LONRF2: variants seen among roughly 807,000 people sequenced by gnomAD.
LONRF2 encodes the protein LON peptidase N-terminal domain and ring finger 2.
A neutral mutation model predicts 66.6 loss-of-function variants in LONRF2; 35 were observed. The observed-to-expected ratio is 0.53, with a 90% CI of 0.40 to 0.70. The LOEUF is 0.70. LONRF2 is among the 30% of genes least tolerant of loss of function. The pLI is 0.00. For missense variants in LONRF2, 902 were observed against 1,002.1 expected, an observed-to-expected ratio of 0.90 and a Z score of 1.35; for synonymous variants, 417 against 418.1, an observed-to-expected ratio of 1.00 and a Z score of 0.03.
In LONRF2 at chr2:100,309,175, T is replaced by C. The variant is rs114378605; in HGVS notation, c.730A>G (p.Met244Val). Residue 244 changes from methionine to valine, a missense_variant, in exon 2 of 12, where the codon ATG (methionine) becomes GTG (valine). Met to Val is a conservative substitution (Grantham distance 21). This residue lies in a region of LONRF2 where 585 missense variants were observed against 569.9 expected (regional missense o/e 1.03). Coordinates refer to ENST00000393437, the MANE Select transcript of LONRF2 (RefSeq NM_198461.4). ...TGGAGAGCTTGCTCATAGTTCTTCA[T>C]GGTCAAATATAACTCCGCCCGCAGC... ...LLLRAELYLT[M>V]KNYEQALQDA... is the part of the protein sequence containing the mutation. The C allele has an allele frequency of 3.7e-6, 6 of 1,609,668 alleles. No homozygotes were observed. Among genetic ancestry groups the C allele is most frequent in the Admixed American group, 1.7e-5 (1 of 58,586 alleles).
At chr2:100,296,171 G>C (rs1190029502) in intron 7 of LONRF2, among the ~76,000 whole-genome samples, 1 of 152,128 alleles carries the variant, frequency 6.6e-6, no homozygotes, top group Non-Finnish European at 1.5e-5. Context: ...GGGCCACAAT[G>C]TGGCTGAACT....
At chr2:100,313,351 C>G (rs1675445335) in intron 1 of LONRF2, among the ~76,000 whole-genome samples, 1 of 152,034 alleles carries the variant, frequency 6.6e-6, no homozygotes, top group Non-Finnish European at 1.5e-5. Context: ...AAAAATTAGT[C>G]AGGTGTGGTG....
chr2:100,314,640 C>T (rs369196796), intron 1 of LONRF2, among the ~76,000 whole-genome samples: 34 of 152,066 alleles, frequency 2.2e-4, no homozygotes, highest in African/African-American at 8.0e-4. Flanking sequence ...CTGCCTACCC[C>T]AAGTCCTTGA....
At chr2:100,315,258 T>C (rs575764849) in intron 1 of LONRF2, among the ~76,000 whole-genome samples, 1 of 152,244 alleles carries the variant, frequency 6.6e-6, no homozygotes, top group East Asian at 1.9e-4. Context: ...TATTTGTTTT[T>C]TCTAAGTATA....
chr2:100,311,228 C>T (rs759397213), intron 1 of LONRF2, among the ~76,000 whole-genome samples: 4 of 152,056 alleles, frequency 2.6e-5, no homozygotes, highest in Non-Finnish European at 5.9e-5. Context: ...CTCAATCACA[C>T]AGTTAAATGC....
At chr2:100,294,112 G>C (rs1460655799) in intron 9 of LONRF2, 117 bp downstream of exon 9, 1 of 1,202,840 alleles carries the variant, frequency 8.3e-7, no homozygotes, top group Non-Finnish European at 1.2e-6. Flanking sequence ...CTTGGACTTT[G>C]TTACGTAACG....
intron 10 of LONRF2, among the ~76,000 whole-genome samples, chr2:100,288,996 G>A (rs1674901541): frequency 6.6e-6 from 1 of 152,126 alleles, no homozygotes; most frequent in Non-Finnish European, 1.5e-5. Context: ...CAAATTATAT[G>A]TCCTGATATT....
At chr2:100,317,578 C>T (rs746107683) in intron 1 of LONRF2, among the ~76,000 whole-genome samples, 6 of 152,318 alleles carry the variant, frequency 3.9e-5, no homozygotes, top group Non-Finnish European at 7.3e-5. Context: ...TAGTTTCACG[C>T]TTCCATATGG....
Position 100,290,290 on chromosome 2 carries a change from T to G in LONRF2, c.1888A>C (p.Thr630Pro). 6.2e-7 allele frequency: 1 copy of G among 1,614,082 alleles called. No individual in the cohort carries two copies. The highest frequency in any genetic ancestry group is 8.5e-7 in the Non-Finnish European group (1 of 1,179,986). ...LSHRHRDGYN[T>P]ADIEYLEDEK... ...TCTTCAAGATATTCAATGTCCGCTG[T>G]GTTATAGCCATCTCTGTGGCGGTGG... Residue 630 changes from threonine to proline, a missense_variant, in exon 10 of 12, where the codon ACA becomes CCA. Transcript: ENST00000393437.
Position 100,299,831 on chromosome 2 carries a change from T to C in LONRF2, c.1153A>G (p.Lys385Glu). 1 of 1,613,484 alleles carries C rather than the reference T, an allele frequency of 6.2e-7. No individual in the cohort carries two copies. The highest frequency in any genetic ancestry group is 8.5e-7 in the Non-Finnish European group (1 of 1,179,460). Residue 385 changes from lysine to glutamate, a missense_variant, in exon 5 of 12, where the codon AAG (lysine) becomes GAG (glutamate). Coordinates refer to ENST00000393437, the MANE Select transcript of LONRF2 (RefSeq NM_198461.4). ...ILGLHFEEDK[K>E]ALESILPTAP... ...GTTGGAAGGATGCTTTCTAACGCCT[T>C]TTTATCCTCTTCAAAGTGTAGACCC...
At position 100,299,837 on chromosome 2, in the gene LONRF2, C is replaced by A. The variant is rs536589367; in HGVS notation, c.1147G>T (p.Asp383Tyr). The A allele has an allele frequency of 6.2e-7, 1 of 1,613,086 alleles. No individual in the cohort carries two copies. Among genetic ancestry groups the A allele is most frequent in the East Asian group, 2.2e-5 (1 of 44,864 alleles). Residue 383 changes from aspartate to tyrosine, a missense_variant, in exon 5 of 12, where the codon GAT becomes TAT. Asp to Tyr is a radical substitution (Grantham distance 160). Around this residue, in one of 2 missense-constraint regions of LONRF2, gnomAD observed 585 missense variants for 569.9 expected, o/e 1.03. Transcript: ENST00000393437. ...AGGATGCTTTCTAACGCCTTTTTAT[C>A]CTCTTCAAAGTGTAGACCCAGTATA... is the stretch of plus-strand genomic sequence containing the variant. ...YFILGLHFEE[D>Y]KKALESILPT...
Position 100,297,593 on chromosome 2 carries a change from G to A in LONRF2, c.1476+1243C>T, listed in dbSNP as rs561439534. Among the ~76,000 whole-genome samples, 44 of 152,250 alleles carry A rather than the reference G, an allele frequency of 2.9e-4. 1 individual carries two copies. In the South Asian group the frequency reaches 8.9e-3, roughly 31 times the overall value. On this transcript the variant is annotated intron_variant, in intron 7 of 11. Transcript: ENST00000393437. ...TGTAAGAACAGATGAGCCTGTTCTG[G>A]CCCAGGCAGGCACCAAAACAAGAGG...
At chr2:100,309,970 G>C (rs772900629) in intron 1 of LONRF2, among the ~76,000 whole-genome samples, 1 of 152,104 alleles carries the variant, frequency 6.6e-6, no homozygotes. Flanking sequence ...ACCATGCCTG[G>C]CCCATAATTT....
chr2:100,308,605 T>A (rs1675343708), intron 2 of LONRF2, among the ~76,000 whole-genome samples: 1 of 152,166 alleles, frequency 6.6e-6, no homozygotes, highest in Non-Finnish European at 1.5e-5. Context: ...ATCCGCAAAG[T>A]TCGTTTTTTG....
chr2:100,290,108 A>AAATT, intron 10 of LONRF2, 150 bp downstream of exon 10: 2 of 777,378 alleles, frequency 2.6e-6, no homozygotes, highest in Non-Finnish European at 3.8e-6. Flanking sequence ...CCTTGACTCA[A>AAATT]AAATAAACAA....
chr2:100,296,641 C>T lies in LONRF2; in HGVS notation c.1477-1088G>A, dbSNP rs565632298. On this transcript the variant is annotated intron_variant, in intron 7 of 11. Coordinates refer to ENST00000393437, the MANE Select transcript of LONRF2 (RefSeq NM_198461.4). ...ATTGACTGAGAACCAGGAGTTCAAACTTTGGAAACGCCTATGTTTGAGAAC... is the reference window on the plus strand; with the variant it reads ...ATTGACTGAGAACCAGGAGTTCAAATTTTGGAAACGCCTATGTTTGAGAAC... 2.6e-5 allele frequency among the ~76,000 whole-genome samples: 4 copies of T among 152,306 alleles called. No homozygotes were observed. The South Asian group carries it at 8.3e-4, about 32-fold the overall frequency.
At chr2:100,300,018 A>C in intron 4 of LONRF2, 100 bp from the exon 5 acceptor site, 2 of 379,512 alleles carry the variant, frequency 5.3e-6, no homozygotes, top group South Asian at 2.4e-5. Context: ...TGGAAAAAAA[A>C]AGGGGGGGGC....
rs1674548504 is a variant in LONRF2 at position 100,274,079 on chromosome 2, A to G, written c.*10219T>C. On this transcript the variant is annotated 3_prime_UTR_variant, in exon 12 of 12. Transcript: ENST00000393437. ...TTTTTGAAAATGATCCCTGAAAAGC[A>G]AAAGGTTAGAGATACTCATGTTGCA... 6.6e-6 allele frequency: 1 copy of G among 152,190 alleles called. No individual in the cohort carries two copies. The highest frequency in any genetic ancestry group is 2.1e-4 in the South Asian group (1 of 4,822). The allele number at this position is 152,190 out of a possible 1,614,324, so 9.4% of individuals were successfully genotyped here.
At chr2:100,300,870 A>C in intron 3 of LONRF2, 83 bp from the exon 4 acceptor site, 1 of 1,089,682 alleles carries the variant, frequency 9.2e-7, no homozygotes, top group Non-Finnish European at 1.2e-6. Flanking sequence ...ATTCAGAGGA[A>C]ACTAAGAGGC....
Sources: allele counts gnomAD v4.1 joint callset (sites outside exome capture counted in the v4.1 genomes callset), GRCh38; gene constraint gnomAD v4.1.1; regional missense constraint gnomAD v4.1.1; transcripts MANE v1.5; gene names NCBI Gene and HGNC (gene_info 2026-07-23, HGNC 2026-07-21).